Variants in COL4A6 observed in about 807,000 individuals in gnomAD.
The protein encoded by COL4A6 is collagen type IV alpha 6 chain.
Under a neutral mutation model 126.7 loss-of-function variants are expected in COL4A6, and 59 were observed. The observed-to-expected ratio is 0.47, with a 90% CI of 0.38 to 0.58. The LOEUF is 0.58. Ranked by LOEUF, COL4A6 falls within the 20% of genes least tolerant of loss-of-function variation. The probability of loss-of-function intolerance (pLI) is 0.00; values close to 1 mark genes in which losing one functional copy is unlikely to be tolerated. For missense variants in COL4A6, 1,285 were observed against 1,337.3 expected, an observed-to-expected ratio of 0.96 and a Z score of 0.61; for synonymous variants, 547 against 496.6, an observed-to-expected ratio of 1.10 and a Z score of -1.35.
Position 108,162,507 on chromosome X carries a change from C to T in COL4A6, c.4216+385G>A, listed in dbSNP as rs139324870. 4.4e-3 allele frequency among the ~76,000 whole-genome samples: 492 copies of T among 111,183 alleles called. 3 individuals are homozygous for T. Among genetic ancestry groups the T allele is most frequent in the African/African-American group, 0.015 (457 of 30,567 alleles). On this transcript the variant is annotated intron_variant, in intron 41 of 44. Coordinates refer to ENST00000334504, the MANE Select transcript of COL4A6 (RefSeq NM_033641.4). ...GAAGAAGAGGAAGAAAATGAGGACACTGAGACCCAGAGAGACTTCTAACTT... is the reference window on the plus strand; with the variant it reads ...GAAGAAGAGGAAGAAAATGAGGACATTGAGACCCAGAGAGACTTCTAACTT...
Position 108,177,570 on chromosome X carries a change from C to T in COL4A6, c.2516-559G>A, listed in dbSNP as rs1417532805. ...CCCCTAGTGCCAAGTACTGTAGAAA[C>T]CCACAAGGCCCATTTGGTCTCCTAG... is the stretch of plus-strand genomic sequence containing the variant. On this transcript the variant is annotated intron_variant, in intron 27 of 44. Transcript: ENST00000334504. Among the ~76,000 whole-genome samples the T allele has an allele frequency of 2.7e-5, 3 of 112,057 alleles. No individual in the cohort carries two copies. In the Admixed American group the frequency reaches 2.8e-4, roughly 11 times the overall value.
chrX:108,392,149 C>T (rs1259711801), intron 2 of COL4A6, among the ~76,000 whole-genome samples: 1 of 111,842 alleles, frequency 8.9e-6, no homozygotes, highest in Non-Finnish European at 1.9e-5. Flanking sequence ...AATGTAAGCG[C>T]TAAAACTATA....
chrX:108,340,245 T>A (rs2039526377), intron 2 of COL4A6, among the ~76,000 whole-genome samples: 2 of 111,815 alleles, frequency 1.8e-5, no homozygotes, highest in Admixed American at 1.9e-4. Context: ...CCACTAGCCA[T>A]CTATGGCTAT....
chrX:108,260,305 G>T (rs755106375), intron 3 of COL4A6, among the ~76,000 whole-genome samples: 2 of 110,871 alleles, frequency 1.8e-5, no homozygotes, highest in East Asian at 5.7e-4. Context: ...AATGCTATGG[G>T]AAATAGATCA....
intron 2 of COL4A6, among the ~76,000 whole-genome samples, chrX:108,347,927 T>C (rs1400450192): frequency 9.1e-6 from 1 of 109,450 alleles, no homozygotes. Flanking sequence ...CTTCAAACAA[T>C]GGGGCTGAGC....
chrX:108,384,995 A>G (rs772499821), intron 2 of COL4A6, among the ~76,000 whole-genome samples: 6 of 111,012 alleles, frequency 5.4e-5, no homozygotes, highest in African/African-American at 1.6e-4. Context: ...TATGCAGTAG[A>G]CCGCCTTATC....
intron 2 of COL4A6, among the ~76,000 whole-genome samples, chrX:108,338,311 G>A (rs2039481597): frequency 8.9e-6 from 1 of 111,988 alleles, no homozygotes; most frequent in Non-Finnish European, 1.9e-5. Context: ...CCCACATTTC[G>A]GTAGACTGGC....
rs2034469889 is a variant in COL4A6 at position 108,175,826 on chromosome X, A to G, written c.2687-29T>C. On this transcript the variant is annotated intron_variant, in intron 28 of 44. Transcript: ENST00000334504. ...TTGAAAAACAAGAACTTTTATTATC[A>G]CTCCCATTTTACATACCAGGAAATG... The G allele has an allele frequency of 3.5e-6, 4 of 1,152,913 alleles. No individual in the cohort carries two copies. The African/African-American group carries it at 5.6e-5, about 16-fold the overall frequency.
chrX:108,219,765 G>A (rs758840165), intron 4 of COL4A6, 23 bp from the exon 5 acceptor site: 2 of 1,171,874 alleles, frequency 1.7e-6, no homozygotes, highest in South Asian at 1.8e-5. Flanking sequence ...GTAGGGAGAG[G>A]AATGTAAGAC....
chrX:108,166,620 T>C (rs1415159820), intron 37 of COL4A6, among the ~76,000 whole-genome samples: 10 of 112,087 alleles, frequency 8.9e-5, no homozygotes, highest in African/African-American at 3.2e-4. Flanking sequence ...GCTCATTAAT[T>C]AATTGAATCT....
chrX:108,175,820 AT>A (rs2034469629), intron 28 of COL4A6, 23 bp from the exon 29 acceptor site: 1 of 1,166,944 alleles, frequency 8.6e-7, no homozygotes, highest in African/African-American at 1.8e-5. Flanking sequence ...AAGAACTTTT[AT>A]TATCACTCCC....
At chrX:108,247,159 A>C (rs1441385233) in intron 3 of COL4A6, among the ~76,000 whole-genome samples, 1 of 110,571 alleles carries the variant, frequency 9.0e-6, no homozygotes, top group Non-Finnish European at 1.9e-5. Context: ...CACAGTGCTC[A>C]CAGGCATAGA....
chrX:108,320,721 A>G (rs1217810585), intron 2 of COL4A6, among the ~76,000 whole-genome samples: 1 of 112,304 alleles, frequency 8.9e-6, no homozygotes, highest in Non-Finnish European at 1.9e-5. Flanking sequence ...TTGAATTAGC[A>G]CAGTAAATGG....
At position 108,202,934 on chromosome X, in the gene COL4A6, G is replaced by A. The variant is rs767502528; in HGVS notation, c.828C>T (p.Gly276=). Reference sequence around the variant, plus strand: ...ATCAAATAGAGAGACTTACCGGGAAGCCTGGAGGGCCACTTATGCCTGGAA... The same window carrying A: ...ATCAAATAGAGAGACTTACCGGGAAACCTGGAGGGCCACTTATGCCTGGAA... ...KGFPGISGPP[G]FPGLGTTGEK... Residue 276 remains glycine (G), a synonymous_variant, in exon 13 of 45, where the codon GGC becomes GGT. Transcript: ENST00000334504. 7 of 1,207,445 alleles carry A rather than the reference G, an allele frequency of 5.8e-6. No individual in the cohort carries two copies. The East Asian group carries it at 2.1e-4, about 36-fold the overall frequency.
Position 108,180,583 on chromosome X carries a change from TGGCCTGGGGTCCCAGGGA to T in COL4A6, c.2045_2062del (p.Leu682_Gly687del). The stretch of plus-strand genomic sequence containing the variant: ...TCCTTTACTTCCACTTGACCCAGGC[TGGCCTGGGGTCCCAGGGA>T]GGCCTCGAGACCCTTTAGGGCCTGA... On this transcript the variant is annotated inframe_deletion, in exon 25 of 45. Coordinates refer to ENST00000334504, the MANE Select transcript of COL4A6 (RefSeq NM_033641.4). 8.3e-7 allele frequency: 1 copy of T among 1,205,252 alleles called. No homozygotes were observed. The highest frequency in any genetic ancestry group is 1.1e-6 in the Non-Finnish European group (1 of 893,525).
Position 108,274,989 on chromosome X carries a change from G to A in COL4A6, c.144+35759C>T, listed in dbSNP as rs139069147. Among the ~76,000 whole-genome samples the A allele has an allele frequency of 8.6e-3, 957 of 111,058 alleles. 14 individuals carry two copies. Among genetic ancestry groups the A allele is most frequent in the African/African-American group, 0.029 (898 of 30,552 alleles). ...GGAATTATACAGGTCATATAGGCGG[G>A]GGTGGGAGTCTTAGAATCTTGTCTT... On this transcript the variant is annotated intron_variant, in intron 3 of 44. Coordinates refer to ENST00000334504, the MANE Select transcript of COL4A6 (RefSeq NM_033641.4).
At chrX:108,167,555 C>T (rs1373328655) in intron 37 of COL4A6, among the ~76,000 whole-genome samples, 1 of 110,725 alleles carries the variant, frequency 9.0e-6, no homozygotes, top group East Asian at 2.8e-4. Flanking sequence ...AGGCTGGTCT[C>T]CAACTCCTGG....
Position 108,228,798 on chromosome X carries a change from G to A in COL4A6, c.145-7424C>T, listed in dbSNP as rs149366303. 2.8e-4 allele frequency among the ~76,000 whole-genome samples: 32 copies of A among 112,338 alleles called. No individual in the cohort carries two copies. The East Asian group carries it at 7.9e-3, about 28-fold the overall frequency. On this transcript the variant is annotated intron_variant, in intron 3 of 44. Transcript: ENST00000334504. The stretch of plus-strand genomic sequence containing the variant: ...CCATTGGGTCCCTCCCACGACATGT[G>A]GGGATTACGGGAACTACAGTTCAAG...
intron 5 of COL4A6, among the ~76,000 whole-genome samples, chrX:108,217,507 C>T (rs886618484): frequency 9.0e-6 from 1 of 110,965 alleles, no homozygotes; most frequent in African/African-American, 3.3e-5. Flanking sequence ...TGGTCATGGG[C>T]CTCTCAGGCT....
Sources: gnomAD v4.1 joint callset for allele counts (sites outside exome capture counted in the v4.1 genomes callset) on GRCh38, gnomAD v4.1.1 for gene constraint, MANE v1.5 for transcripts, NCBI Gene and HGNC (gene_info 2026-07-23, HGNC 2026-07-21) for gene names.